The following ANKRD30A variants were observed in gnomAD, a reference collection of about 807,000 sequenced individuals.
The protein encoded by ANKRD30A is ankyrin repeat domain-containing protein 30A.
In ANKRD30A, 170 loss-of-function variants were observed where a neutral mutation model predicts 166.3. The observed-to-expected ratio is 1.02, with a 90% CI of 0.90 to 1.16. The LOEUF is 1.16. ANKRD30A is among the 50% of genes most tolerant of loss of function. The pLI, the probability that ANKRD30A is intolerant of heterozygous loss-of-function variation, is 0.00. For missense variants in ANKRD30A, 1,630 were observed against 1,518.0 expected, an observed-to-expected ratio of 1.07 and a Z score of -1.23; for synonymous variants, 564 against 508.9, an observed-to-expected ratio of 1.11 and a Z score of -1.46.
chr10:37,200,457 G>A (rs1021753582), intron 30 of ANKRD30A, among the ~76,000 whole-genome samples: 2 of 152,032 alleles, frequency 1.3e-5, no homozygotes, highest in African/African-American at 2.4e-5. Flanking sequence ...TGTATTTTAA[G>A]GTCACAACGG....
intron 31 of ANKRD30A, among the ~76,000 whole-genome samples, chr10:37,206,291 C>T (rs1841989950): frequency 6.6e-6 from 1 of 152,054 alleles, no homozygotes; most frequent in African/African-American, 2.4e-5. Context: ...AATGTTTGCA[C>T]TCCAGAAGAT....
intron 24 of ANKRD30A, among the ~76,000 whole-genome samples, chr10:37,183,526 C>G (rs1460259583): frequency 6.8e-6 from 1 of 146,686 alleles, no homozygotes; most frequent in South Asian, 2.2e-4. Context: ...AGATATAAAT[C>G]AAACAAAATC....
chr10:37,199,344 CGTAA>C (rs1841430065), intron 29 of ANKRD30A, among the ~76,000 whole-genome samples: 2 of 151,816 alleles, frequency 1.3e-5, no homozygotes, highest in South Asian at 4.1e-4. Context: ...AGTCAATCAA[CGTAA>C]GTAATACTAC....
intron 15 of ANKRD30A, among the ~76,000 whole-genome samples, chr10:37,160,585 C>T (rs1767326): frequency 1.9e-4 from 29 of 152,014 alleles, no homozygotes; most frequent in African/African-American, 7.0e-4. Flanking sequence ...GAAGTTGCAC[C>T]TCTGAGTCTT....
intron 27 of ANKRD30A, among the ~76,000 whole-genome samples, chr10:37,194,494 C>T (rs1429171910): frequency 1.3e-5 from 2 of 151,956 alleles, no homozygotes; most frequent in Admixed American, 1.3e-4. Context: ...GCGCGTGCCA[C>T]CACGCCTGGC....
intron 13 of ANKRD30A, 142 bp downstream of exon 13, chr10:37,153,804 G>A (rs1258138873): frequency 9.1e-6 from 11 of 1,203,752 alleles, no homozygotes; most frequent in East Asian, 2.5e-5. Context: ...GTCGTAAGTT[G>A]TATGTCTCAT....
At chr10:37,126,188 GCTT>G (rs1465815506) in intron 1 of ANKRD30A, among the ~76,000 whole-genome samples, 180 bp downstream of exon 1, 1 of 152,206 alleles carries the variant, frequency 6.6e-6, no homozygotes, top group Non-Finnish European at 1.5e-5. Context: ...AGGCCCCCAG[GCTT>G]GGGATGCGGG....
chr10:37,257,572 G>A, the ANKRD30A span, among the ~76,000 whole-genome samples: 9 of 152,186 alleles, frequency 5.9e-5, no homozygotes, highest in East Asian at 3.9e-4. Flanking sequence ...TGCTTTAGCC[G>A]TGTCCCAGAG....
At chr10:37,229,934 A>T (rs1843341107) in intron 34 of ANKRD30A, among the ~76,000 whole-genome samples, 1 of 151,944 alleles carries the variant, frequency 6.6e-6, no homozygotes, top group Non-Finnish European at 1.5e-5. Flanking sequence ...CTTTTATCCA[A>T]TGTGTTACAA....
Position 37,162,625 on chromosome 10 carries a change from T to C in ANKRD30A, c.1901-24T>C, listed in dbSNP as rs370242152. The C allele has an allele frequency of 3.1e-6, 5 of 1,611,688 alleles. No homozygotes were observed. The Admixed American group carries it at 6.7e-5, about 21-fold the overall frequency. ...GCTTGTCATATTTACATATGATTGA[T>C]GATAAATCTCTTTTGCTTTTTAGAG... On this transcript the variant is annotated intron_variant, in intron 15 of 35. Coordinates refer to ENST00000361713, the MANE Select transcript of ANKRD30A (RefSeq NM_052997.3).
At position 37,166,710 on chromosome 10, in the gene ANKRD30A, T is replaced by A; in HGVS notation, c.2155+15T>A. 6.2e-7 allele frequency: 1 copy of A among 1,605,872 alleles called. No homozygotes were observed. Among genetic ancestry groups the A allele is most frequent in the Non-Finnish European group, 8.5e-7 (1 of 1,178,304 alleles). ...AAAATTAGAAGGTAAGAACCGTTTT[T>A]TATTTAAAAATCATTTGACCAAATA... On this transcript the variant is annotated intron_variant, in intron 19 of 35. Transcript: ENST00000361713.
At chr10:37,261,306 T>C in the ANKRD30A span, among the ~76,000 whole-genome samples, 3 of 152,190 alleles carry the variant, frequency 2.0e-5, no homozygotes, top group East Asian at 3.9e-4. Flanking sequence ...ACATCTGTCA[T>C]TGGATTGCTT....
Position 37,167,420 on chromosome 10 carries a change from T to C in ANKRD30A, c.2155+725T>C, listed in dbSNP as rs1031999273. 1.3e-4 allele frequency among the ~76,000 whole-genome samples: 20 copies of C among 151,430 alleles called. 3 individuals carry two copies. Among genetic ancestry groups the C allele is most frequent in the Admixed American group, 7.2e-4 (11 of 15,228 alleles). On this transcript the variant is annotated intron_variant, in intron 19 of 35. Transcript: ENST00000361713. ...TTGTGTTGGTAAAATTGCCATTTTA[T>C]AAAACCTCATTAGCAAATAACATGA... is the stretch of plus-strand genomic sequence containing the variant.
intron 25 of ANKRD30A, among the ~76,000 whole-genome samples, chr10:37,191,189 T>G (rs1397945526): frequency 6.6e-6 from 1 of 151,946 alleles, no homozygotes; most frequent in Non-Finnish European, 1.5e-5. Flanking sequence ...TACATCTTCC[T>G]CCATGAGTGG....
Position 37,132,316 on chromosome 10 carries a change from C to T in ANKRD30A, c.587C>T (p.Ala196Val). 1.2e-6 allele frequency: 2 copies of T among 1,601,376 alleles called. No individual in the cohort carries two copies. The highest frequency in any genetic ancestry group is 1.7e-6 in the Non-Finnish European group (2 of 1,173,512). ...GTGGAATTTTTGCTGATAAAAAATG[C>T]AAATGCGAATGCAGTTAATAAGTAT... is the stretch of plus-strand genomic sequence containing the variant. ...QIVEFLLIKN[A>V]NANAVNKYKC... Residue 196 changes from alanine to valine, a missense_variant, in exon 4 of 36, where the codon GCA becomes GTA. Ala to Val is a moderately conservative substitution (Grantham distance 64). Around this residue, in one of 4 missense-constraint regions of ANKRD30A, gnomAD observed 904 missense variants for 818.5 expected, o/e 1.10. Transcript: ENST00000361713.
chr10:37,220,123 C>T (rs1842836626), intron 34 of ANKRD30A, among the ~76,000 whole-genome samples: 1 of 148,154 alleles, frequency 6.7e-6, no homozygotes, highest in African/African-American at 2.5e-5. Context: ...AGCTGAGAGA[C>T]GTTTTACTTT....
chr10:37,224,113 ACTTATT>A (rs1464238662), intron 34 of ANKRD30A, among the ~76,000 whole-genome samples: 1 of 151,312 alleles, frequency 6.6e-6, no homozygotes, highest in African/African-American at 2.4e-5. Context: ...TAAATATCAC[ACTTATT>A]CTTTAATGAT....
At chr10:37,207,261 A>G (rs1435361776) in intron 31 of ANKRD30A, among the ~76,000 whole-genome samples, 3 of 152,172 alleles carry the variant, frequency 2.0e-5, no homozygotes, top group African/African-American at 7.2e-5. Context: ...GTACCTTCTC[A>G]ATTATAAGAT....
chr10:37,166,175 A>G (rs941044775), intron 18 of ANKRD30A, among the ~76,000 whole-genome samples: 4 of 152,114 alleles, frequency 2.6e-5, no homozygotes, highest in African/African-American at 9.7e-5. Context: ...TTTAACACTA[A>G]ACAGTTCTAT....
Sources: allele counts gnomAD v4.1 joint callset (sites outside exome capture counted in the v4.1 genomes callset), GRCh38; gene constraint gnomAD v4.1.1; regional missense constraint gnomAD v4.1.1; transcripts MANE v1.5; gene names NCBI Gene and HGNC (gene_info 2026-07-23, HGNC 2026-07-21).